GALNT13: variants seen among roughly 807,000 people sequenced by gnomAD.
The protein encoded by GALNT13 is polypeptide N-acetylgalactosaminyltransferase 13.
A neutral mutation model predicts 64.2 loss-of-function variants in GALNT13; 28 were observed. The observed-to-expected ratio is 0.44, with a 90% CI of 0.32 to 0.60. GALNT13 has a LOEUF of 0.60. GALNT13 is among the 20% of genes least tolerant of loss of function. GALNT13 has a pLI of 0.05. For missense variants in GALNT13, 577 were observed against 669.8 expected (o/e 0.86, Z 1.53); for synonymous variants, 214 against 224.6 (o/e 0.95, Z 0.42).
At chr2:154,121,341 A>G (rs1302592634) in intron 3 of GALNT13, among the ~76,000 whole-genome samples, 1 of 152,118 alleles carries the variant, frequency 6.6e-6, no homozygotes. Context: ...AGTCTTTTGT[A>G]TCAGTATTAA....
chr2:153,768,136 A>G, the GALNT13 span, among the ~76,000 whole-genome samples: 1 of 152,198 alleles, frequency 6.6e-6, no homozygotes, highest in Admixed American at 6.5e-5. Flanking sequence ...CAAAAGACCA[A>G]CAACTGAGTC....
chr2:153,629,905 C>G, the GALNT13 span, among the ~76,000 whole-genome samples: 2 of 148,460 alleles, frequency 1.3e-5, no homozygotes, highest in African/African-American at 2.5e-5. Context: ...AAATGCTCAT[C>G]ATCACTGGCC....
the GALNT13 span, among the ~76,000 whole-genome samples, chr2:153,482,019 C>G: frequency 2.0e-5 from 3 of 151,930 alleles, no homozygotes; most frequent in Admixed American, 2.0e-4. Context: ...ATTCCATAGC[C>G]AAAACATAAG....
the GALNT13 span, among the ~76,000 whole-genome samples, chr2:153,656,313 AAGAAGT>A: frequency 3.0e-5 from 3 of 100,014 alleles, no homozygotes; most frequent in South Asian, 8.5e-4. Context: ...GGTTGACTTA[AAGAAGT>A]GTGTGTGTGT....
At chr2:154,154,486 A>C (rs909444390) in intron 4 of GALNT13, among the ~76,000 whole-genome samples, 1 of 152,198 alleles carries the variant, frequency 6.6e-6, no homozygotes, top group African/African-American at 2.4e-5. Flanking sequence ...TGTGATGGAA[A>C]TGATATTTAG....
the GALNT13 span, among the ~76,000 whole-genome samples, chr2:153,455,254 T>C: frequency 1.3e-5 from 2 of 152,184 alleles, no homozygotes; most frequent in African/African-American, 4.8e-5. Context: ...AAAATTTAAA[T>C]TCAAGGAATA....
At chr2:153,444,208 C>T in the GALNT13 span, among the ~76,000 whole-genome samples, 1 of 152,162 alleles carries the variant, frequency 6.6e-6, no homozygotes, top group Non-Finnish European at 1.5e-5. Flanking sequence ...GACCTACCTA[C>T]CTACCTACTT....
At chr2:154,432,023 A>T (rs1332631747) in intron 11 of GALNT13, among the ~76,000 whole-genome samples, 1 of 152,162 alleles carries the variant, frequency 6.6e-6, no homozygotes, top group African/African-American at 2.4e-5. Flanking sequence ...TGAAAAGAAA[A>T]ATACAGAGAT....
chr2:154,136,740 TA>T (rs1027087684), intron 3 of GALNT13, among the ~76,000 whole-genome samples: 6 of 152,242 alleles, frequency 3.9e-5, no homozygotes, highest in African/African-American at 1.4e-4. Context: ...TCAAACTAAT[TA>T]TTTTTTTAAA....
chr2:154,027,522 T>A (rs1482664294), intron 3 of GALNT13, among the ~76,000 whole-genome samples: 1 of 152,156 alleles, frequency 6.6e-6, no homozygotes, highest in Admixed American at 6.6e-5. Flanking sequence ...CAGACATTAA[T>A]CCATAATGGG....
At chr2:154,450,274 A>G (rs2105508040) in intron 12 of GALNT13, 137 bp from the exon 13 acceptor site, 1 of 643,164 alleles carries the variant, frequency 1.6e-6, no homozygotes, top group African/African-American at 1.8e-5. Flanking sequence ...ACCTGTGCAC[A>G]GTTCCTTTTA....
the GALNT13 span, among the ~76,000 whole-genome samples, chr2:153,540,518 T>A: frequency 1.3e-5 from 2 of 152,122 alleles, no homozygotes; most frequent in Non-Finnish European, 2.9e-5. Context: ...AGGGCCACCA[T>A]CCTCCAGACC....
intron 8 of GALNT13, among the ~76,000 whole-genome samples, chr2:154,277,960 A>G (rs1232186726): frequency 6.6e-6 from 1 of 152,174 alleles, no homozygotes; most frequent in Non-Finnish European, 1.5e-5. Flanking sequence ...ATATTTCTGC[A>G]TGCCCTACTC....
intron 3 of GALNT13, among the ~76,000 whole-genome samples, chr2:153,993,418 G>A (rs762503702): frequency 7.2e-5 from 11 of 151,820 alleles, no homozygotes; most frequent in Middle Eastern, 3.2e-3. Context: ...AAATTTGGCC[G>A]GGCACAGTGG....
chr2:154,410,743 CA>C (rs35826649), intron 11 of GALNT13, among the ~76,000 whole-genome samples: 2 of 151,172 alleles, frequency 1.3e-5, no homozygotes, highest in South Asian at 2.1e-4. Flanking sequence ...CAACTTATGG[CA>C]AAAAAAATCA....
At chr2:153,150,148 A>T in the GALNT13 span, among the ~76,000 whole-genome samples, 6 of 151,972 alleles carry the variant, frequency 3.9e-5, no homozygotes. Flanking sequence ...TTGAAAGGAA[A>T]GTCCTGATGT....
the GALNT13 span, among the ~76,000 whole-genome samples, chr2:153,409,179 C>G: frequency 6.6e-6 from 1 of 151,948 alleles, no homozygotes; most frequent in Non-Finnish European, 1.5e-5. Flanking sequence ...GACTGAACCA[C>G]TGCTGGCTTC....
the GALNT13 span, among the ~76,000 whole-genome samples, chr2:153,132,827 T>C: frequency 6.6e-6 from 1 of 152,100 alleles, no homozygotes; most frequent in Non-Finnish European, 1.5e-5. Flanking sequence ...CTCATGTGAT[T>C]CTCCTACCTC....
chr2:153,093,616 A>G, the GALNT13 span, among the ~76,000 whole-genome samples: 1 of 152,168 alleles, frequency 6.6e-6, no homozygotes, highest in Non-Finnish European at 1.5e-5. Context: ...AATATTCATC[A>G]GTAACATTGG....
Sources: allele counts gnomAD v4.1 joint callset (sites outside exome capture counted in the v4.1 genomes callset), GRCh38; gene constraint gnomAD v4.1.1; transcripts MANE v1.5; gene names NCBI Gene and HGNC (gene_info 2026-07-23, HGNC 2026-07-21).